PCDH15: variants seen among roughly 807,000 people sequenced by gnomAD.
PCDH15 encodes protocadherin related 15, also known as protocadherin-15.
A neutral mutation model predicts 178.5 loss-of-function variants in PCDH15; 129 were observed. The ratio of observed to expected loss-of-function variants is 0.72; its 90% CI spans 0.63 to 0.84. The LOEUF (loss-of-function observed/expected upper bound fraction) is 0.84, where lower values mean the gene tolerates loss of function less well. PCDH15 is among the 40% of genes least tolerant of loss of function. The pLI, the probability that PCDH15 is intolerant of heterozygous loss-of-function variation, is 0.00. For missense variants in PCDH15, 2,230 were observed against 2,099.9 expected, an observed-to-expected ratio of 1.06 and a Z score of -1.21; for synonymous variants, 800 against 732.0, an observed-to-expected ratio of 1.09 and a Z score of -1.50.
At position 53,822,080 on chromosome 10, in the gene PCDH15, G is replaced by A. The variant is rs1588925614; in HGVS notation, c.4368-1850C>T. 6.2e-7 allele frequency: 1 copy of A among 1,614,008 alleles called. No homozygotes were observed. Among genetic ancestry groups the A allele is most frequent in the East Asian group, 2.2e-5 (1 of 44,874 alleles). On this transcript the variant is annotated intron_variant, in intron 32 of 37. Transcript: ENST00000644397. Reference sequence around the variant, plus strand: ...CTGCTAAGTTTTTAACGTGTCTGAGGATGCCTTTTGGTTCTCTCTGAGGGT... The same window carrying A: ...CTGCTAAGTTTTTAACGTGTCTGAGAATGCCTTTTGGTTCTCTCTGAGGGT...
chr10:54,290,470 T>C (rs1048358845), intron 8 of PCDH15, among the ~76,000 whole-genome samples: 2 of 152,170 alleles, frequency 1.3e-5, no homozygotes, highest in Non-Finnish European at 2.9e-5. Context: ...ATGGATGCTA[T>C]GAAGAAACTG....
At chr10:54,282,102 C>CT (rs562434286) in intron 8 of PCDH15, among the ~76,000 whole-genome samples, 26 of 152,066 alleles carry the variant, frequency 1.7e-4, no homozygotes, top group Non-Finnish European at 3.2e-4. Context: ...TGCATTTATT[C>CT]TTTTTAAATC....
chr10:54,586,141 C>G (rs2091447656), intron 2 of PCDH15, among the ~76,000 whole-genome samples: 1 of 152,002 alleles, frequency 6.6e-6, no homozygotes, highest in Admixed American at 6.6e-5. Flanking sequence ...GTAAAAAGAT[C>G]AGTTATTGCT....
intron 25 of PCDH15, among the ~76,000 whole-genome samples, chr10:53,904,885 T>C (rs1269611593): frequency 6.6e-6 from 1 of 152,146 alleles, no homozygotes; most frequent in South Asian, 2.1e-4. Context: ...CAGAAACATA[T>C]ACAATTCAAA....
chr10:54,545,770 ACT>A (rs2085781440), intron 2 of PCDH15, among the ~76,000 whole-genome samples: 1 of 152,216 alleles, frequency 6.6e-6, no homozygotes, highest in African/African-American at 2.4e-5. Context: ...ATTTAAACAC[ACT>A]CTGTAATTGT....
intron 3 of PCDH15, among the ~76,000 whole-genome samples, chr10:54,506,357 T>C (rs1035622112): frequency 6.6e-6 from 1 of 152,084 alleles, no homozygotes; most frequent in Non-Finnish European, 1.5e-5. Context: ...ATAATGTGAA[T>C]ACTAAGGACT....
At chr10:53,983,272 T>A (rs1424590317) in intron 21 of PCDH15, among the ~76,000 whole-genome samples, 4 of 151,362 alleles carry the variant, frequency 2.6e-5, no homozygotes, top group Non-Finnish European at 4.4e-5. Context: ...ACACACAAAA[T>A]ATATATATAC....
intron 9 of PCDH15, among the ~76,000 whole-genome samples, chr10:54,217,816 T>C (rs2052271862): frequency 6.6e-6 from 1 of 152,154 alleles, no homozygotes; most frequent in Non-Finnish European, 1.5e-5. Context: ...GGGCAGAAAA[T>C]CAACAAATAG....
chr10:55,208,563 A>T (rs868112964), intron 1 of PCDH15, among the ~76,000 whole-genome samples: 1 of 151,914 alleles, frequency 6.6e-6, no homozygotes, highest in African/African-American at 2.4e-5. Flanking sequence ...TTTTCCCAAT[A>T]TTGGGAAAAA....
At chr10:54,316,479 T>A (rs2061274276) in intron 8 of PCDH15, among the ~76,000 whole-genome samples, 1 of 151,894 alleles carries the variant, frequency 6.6e-6, no homozygotes, top group African/African-American at 2.4e-5. Flanking sequence ...AAATACTGGT[T>A]AAATGGTTAA....
At chr10:53,982,241 C>A (rs896583680) in intron 21 of PCDH15, among the ~76,000 whole-genome samples, 36 of 152,158 alleles carry the variant, frequency 2.4e-4, no homozygotes, top group African/African-American at 8.2e-4. Context: ...ACTAGTTCAA[C>A]CACTGTGGAA....
intron 2 of PCDH15, among the ~76,000 whole-genome samples, chr10:55,385,544 T>C (rs1264378129): frequency 3.3e-5 from 5 of 151,708 alleles, no homozygotes; most frequent in Non-Finnish European, 5.9e-5. Context: ...ACAGTTATTA[T>C]GTAGAAACAC....
intron 1 of PCDH15, among the ~76,000 whole-genome samples, chr10:54,679,205 A>C (rs900157696): frequency 3.4e-4 from 52 of 151,900 alleles, no homozygotes; most frequent in Middle Eastern, 6.8e-3. Context: ...AAAAAAAAAA[A>C]AAAAAACATA....
chr10:54,272,259 C>T (rs968502924), intron 8 of PCDH15, among the ~76,000 whole-genome samples: 11 of 151,738 alleles, frequency 7.2e-5, no homozygotes, highest in East Asian at 1.9e-4. Flanking sequence ...TACAGCTATG[C>T]ACAGATATTT....
intron 18 of PCDH15, among the ~76,000 whole-genome samples, chr10:54,024,560 T>C (rs1291184761): frequency 2.0e-5 from 3 of 152,152 alleles, no homozygotes; most frequent in Admixed American, 6.5e-5. Context: ...ACAACAGTGC[T>C]CCTATATGTC....
At chr10:54,591,453 G>T (rs61212349) in intron 2 of PCDH15, among the ~76,000 whole-genome samples, 3 of 152,104 alleles carry the variant, frequency 2.0e-5, no homozygotes, top group African/African-American at 7.2e-5. Context: ...TAGAAAGATC[G>T]AGAAAACTGA....
intron 1 of PCDH15, among the ~76,000 whole-genome samples, chr10:55,317,385 C>T (rs181771150): frequency 1.3e-5 from 2 of 152,060 alleles, no homozygotes; most frequent in African/African-American, 4.8e-5. Flanking sequence ...GCAGTTTTCC[C>T]CTATATGTAC....
intron 2 of PCDH15, among the ~76,000 whole-genome samples, chr10:55,413,334 G>C (rs147037444): frequency 0.012 from 1,885 of 151,416 alleles, 49 homozygotes; most frequent in African/African-American, 0.044. Flanking sequence ...ACTTTATGCT[G>C]TAGAAATAAA....
In PCDH15 at chr10:54,491,299, A is replaced by G. The variant is rs888969989; in HGVS notation, c.157+36513T>C. 6.7e-5 allele frequency among the ~76,000 whole-genome samples: 9 copies of G among 134,542 alleles called. No individual in the cohort carries two copies. The Admixed American group carries it at 6.8e-4, about 10-fold the overall frequency. 88.3% of individuals were successfully genotyped at this position (134,542 alleles called of 152,430 possible). On this transcript the variant is annotated intron_variant, in intron 3 of 37. Transcript: ENST00000644397. ...AATCCACTAACAAAGTATTATCCCT[A>G]TGATGTCTCAAAAAAAAAAAGAAAG...
Sources: gnomAD v4.1 joint callset for allele counts (sites outside exome capture counted in the v4.1 genomes callset) on GRCh38, gnomAD v4.1.1 for gene constraint, MANE v1.5 for transcripts, NCBI Gene and HGNC (gene_info 2026-07-23, HGNC 2026-07-21) for gene names.